The following CLEC18B variants were observed in gnomAD, a reference collection of about 807,000 sequenced individuals.
CLEC18B encodes the protein mannose receptor-like 2.
A neutral mutation model predicts 60.4 loss-of-function variants in CLEC18B; 5 were observed. That is an observed-to-expected ratio of 0.08 (90% CI 0.04 to 0.17). CLEC18B has a LOEUF of 0.17. Ranked by LOEUF, CLEC18B falls within the 10% of genes least tolerant of loss-of-function variation. The probability of loss-of-function intolerance (pLI) is 1.00; values close to 1 mark genes in which losing one functional copy is unlikely to be tolerated. For missense variants in CLEC18B, 26 were observed against 572.8 expected (o/e 0.05, Z 9.74); for synonymous variants, 16 against 221.2 (o/e 0.07, Z 8.23).
At chr16:74,413,242 T>G (rs1349317725) in intron 4 of CLEC18B, 84 bp from the exon 5 acceptor site, 4 of 1,611,778 alleles carry the variant, frequency 2.5e-6, no homozygotes, top group Non-Finnish European at 2.5e-6. Flanking sequence ...CCTACCTCCC[T>G]GGCCCCTTCA....
upstream of CLEC18B, chr16:74,422,196 C>T (rs1438313487): frequency 3.6e-4 from 55 of 152,206 alleles, no homozygotes; most frequent in African/African-American, 1.2e-3. Flanking sequence ...GGCGTGATCC[C>T]ACCAGAGTGA....
chr16:74,421,355 A>C lies in CLEC18B; in HGVS notation c.-85T>G. ...TCTCAGGCTGGATGGAGCTATTCAC[A>C]ATCTCCAGGAGTCAGGCTGGGCTGG... is the stretch of plus-strand genomic sequence containing the variant. On this transcript the variant is annotated 5_prime_UTR_variant, in exon 1 of 12. In the 5' UTR this introduces an upstream ATG that the reference lacks. Coordinates refer to ENST00000682950, the MANE Select transcript of CLEC18B (RefSeq NM_001385193.1). 2 of 1,604,762 alleles carry C rather than the reference A, an allele frequency of 1.2e-6. No homozygotes were observed. The highest frequency in any genetic ancestry group is 3.4e-5 in the Admixed American group (2 of 58,136).
At chr16:74,410,149 G>C (rs1436967848) in intron 10 of CLEC18B, among the ~76,000 whole-genome samples, 3 of 152,408 alleles carry the variant, frequency 2.0e-5, no homozygotes, top group African/African-American at 7.2e-5. Context: ...TGCAGGTGCA[G>C]GGTTGTATTG....
intron 3 of CLEC18B, among the ~76,000 whole-genome samples, chr16:74,416,035 C>T (rs1319353171): frequency 2.0e-5 from 3 of 152,220 alleles, no homozygotes; most frequent in Non-Finnish European, 4.4e-5. Flanking sequence ...CCGAGGCAGG[C>T]GGATCATGAG....
intron 4 of CLEC18B, 22 bp downstream of exon 4, chr16:74,413,557 C>A: frequency 6.2e-7 from 1 of 1,614,088 alleles, no homozygotes; most frequent in Non-Finnish European, 8.5e-7. Context: ...GACATCCCAG[C>A]AGAAGGTGTA....
chr16:74,410,141 C>A (rs1392057692), intron 10 of CLEC18B, among the ~76,000 whole-genome samples: 4 of 152,276 alleles, frequency 2.6e-5, no homozygotes, highest in Non-Finnish European at 4.4e-5. Flanking sequence ...GGTGGGTCTG[C>A]AGGTGCAGGG....
chr16:74,422,842 T>G (rs2013733693), upstream of CLEC18B, among the ~76,000 whole-genome samples: 1 of 151,870 alleles, frequency 6.6e-6, no homozygotes, highest in Non-Finnish European at 1.5e-5. Context: ...ATTATTATTT[T>G]TTTTGGTAGA....
At chr16:74,413,550 A>T (rs370247293) in intron 4 of CLEC18B, 29 bp downstream of exon 4, 36 of 1,613,922 alleles carry the variant, frequency 2.2e-5, no homozygotes, top group Non-Finnish European at 3.4e-6. Context: ...TCTCCCAGAC[A>T]TCCCAGCAGA....
intron 2 of CLEC18B, among the ~76,000 whole-genome samples, chr16:74,418,846 T>C (rs1201665355): frequency 3.6e-3 from 457 of 128,728 alleles, no homozygotes; most frequent in Non-Finnish European, 5.4e-3. Context: ...CAGGCTGGAG[T>C]GCAGTGGAGA....
upstream of CLEC18B, among the ~76,000 whole-genome samples, chr16:74,423,431 G>A (rs553414073): frequency 6.1e-4 from 93 of 152,354 alleles, no homozygotes; most frequent in African/African-American, 1.6e-3. Flanking sequence ...GCTCATGCCT[G>A]TAATCCCAGA....
At chr16:74,423,848 G>A (rs2259607), upstream of CLEC18B, among the ~76,000 whole-genome samples, 1 of 152,244 alleles carries the variant, frequency 6.6e-6, no homozygotes, top group Non-Finnish European at 1.5e-5. Flanking sequence ...CACTCCTGAA[G>A]CTCAGTATCC....
chr16:74,423,346 A>G (rs865981642), upstream of CLEC18B, among the ~76,000 whole-genome samples: 10,361 of 145,906 alleles, frequency 0.071, no homozygotes, highest in Non-Finnish European at 0.1. Flanking sequence ...TATTTTGGGG[A>G]TTAGGGTGGA....
intron 3 of CLEC18B, among the ~76,000 whole-genome samples, 158 bp downstream of exon 3, chr16:74,417,901 C>G (rs1238220772): frequency 6.6e-6 from 1 of 151,412 alleles, no homozygotes; most frequent in Non-Finnish European, 1.5e-5. Context: ...CTGCGCAACA[C>G]AGCAAGACTC....
upstream of CLEC18B, among the ~76,000 whole-genome samples, chr16:74,423,984 T>C (rs1469963841): frequency 6.6e-6 from 1 of 152,234 alleles, no homozygotes; most frequent in African/African-American, 2.4e-5. Flanking sequence ...TGGGGTGGGT[T>C]TGGAGAATGG....
At chr16:74,416,053 G>T (rs1319878173) in intron 3 of CLEC18B, among the ~76,000 whole-genome samples, 5 of 152,230 alleles carry the variant, frequency 3.3e-5, no homozygotes, top group Non-Finnish European at 1.5e-5. Flanking sequence ...GAGGTCAGGA[G>T]ATCAAGACCA....
At chr16:74,418,842 G>A (rs2013544123) in intron 2 of CLEC18B, among the ~76,000 whole-genome samples, 1 of 144,318 alleles carries the variant, frequency 6.9e-6, no homozygotes, top group East Asian at 2.1e-4. Flanking sequence ...CGCCCAGGCT[G>A]GAGTGCAGTG....
upstream of CLEC18B, among the ~76,000 whole-genome samples, chr16:74,423,702 CAA>C (rs377282706): frequency 0.19 from 19,220 of 99,998 alleles, 834 homozygotes; most frequent in East Asian, 0.39. Context: ...CCCGACCCCT[CAA>C]AAAAAAAAAA....
chr16:74,410,195 T>C (rs2013066244), intron 10 of CLEC18B, among the ~76,000 whole-genome samples: 1 of 152,298 alleles, frequency 6.6e-6, no homozygotes, highest in African/African-American at 2.4e-5. Context: ...TAAGGAATGC[T>C]GGCATCAGTG....
upstream of CLEC18B, chr16:74,422,352 C>G (rs2013718242): frequency 6.6e-6 from 1 of 152,446 alleles, no homozygotes; most frequent in African/African-American, 2.4e-5. Context: ...CAACTACGTC[C>G]TCCTTCTGGA....
Sources: gnomAD v4.1 joint callset for allele counts (sites outside exome capture counted in the v4.1 genomes callset) on GRCh38, gnomAD v4.1.1 for gene constraint, MANE v1.5 for transcripts, NCBI Gene and HGNC (gene_info 2026-07-23, HGNC 2026-07-21) for gene names.